Variants in MAST4 observed in about 807,000 individuals in gnomAD.
MAST4 encodes the protein microtubule-associated serine/threonine-protein kinase 4.
In MAST4, 89 loss-of-function variants were observed where a neutral mutation model predicts 162.7. That is an observed-to-expected ratio of 0.55 (90% CI 0.46 to 0.65). The LOEUF (loss-of-function observed/expected upper bound fraction) is 0.65, where lower values mean the gene tolerates loss of function less well. Ranked by LOEUF, MAST4 falls within the 30% of genes least tolerant of loss-of-function variation. The pLI is 0.00. For synonymous variants in MAST4, 1,479 were observed against 1,361.1 expected, an observed-to-expected ratio of 1.09 and a Z score of -1.91; for missense variants, 3,153 against 3,374.0, an observed-to-expected ratio of 0.93 and a Z score of 1.62.
Position 66,919,978 on chromosome 5 carries a change from TTCTC to T in MAST4, c.674+20014_674+20017del, listed in dbSNP as rs70987149. ...CTTCCTTCCTTCCTTCCTTCCTTCT[TTCTC>T]TCTCTCTCTCTCTCTCTTTCTAATG... is the stretch of plus-strand genomic sequence containing the variant. On this transcript the variant is annotated intron_variant, in intron 4 of 28. Coordinates refer to ENST00000403625, the MANE Select transcript of MAST4 (RefSeq NM_001164664.2). Among the ~76,000 whole-genome samples the T allele has an allele frequency of 4.5e-3, 576 of 126,856 alleles. 9 individuals carry two copies. Among genetic ancestry groups the T allele is most frequent in the African/African-American group, 0.018 (561 of 31,142 alleles). 83.2% of individuals were successfully genotyped at this position (126,856 alleles called of 152,430 possible).
At chr5:66,646,889 A>G (rs772593576) in intron 1 of MAST4, among the ~76,000 whole-genome samples, 2 of 152,206 alleles carry the variant, frequency 1.3e-5, no homozygotes, top group Non-Finnish European at 2.9e-5. Flanking sequence ...ATAACTTTAA[A>G]AGCTTATTGT....
chr5:67,071,017 G>A (rs191995319), intron 5 of MAST4, among the ~76,000 whole-genome samples: 1 of 152,318 alleles, frequency 6.6e-6, no homozygotes, highest in Admixed American at 6.5e-5. Context: ...CATCAGATAA[G>A]TTGGGGATTC....
At chr5:66,953,132 A>G (rs189684581) in intron 4 of MAST4, among the ~76,000 whole-genome samples, 109 of 152,322 alleles carry the variant, frequency 7.2e-4, no homozygotes, top group Admixed American at 2.5e-3. Context: ...GCACATACAC[A>G]TTCACCTTCT....
chr5:66,780,353 C>G (rs1033511309), intron 2 of MAST4, among the ~76,000 whole-genome samples: 7 of 152,128 alleles, frequency 4.6e-5, no homozygotes, highest in Non-Finnish European at 7.3e-5. Context: ...GGTTCTTGGT[C>G]TCACTGACTT....
intron 4 of MAST4, among the ~76,000 whole-genome samples, chr5:67,024,962 T>G (rs1307037906): frequency 6.6e-6 from 1 of 152,148 alleles, no homozygotes; most frequent in African/African-American, 2.4e-5. Context: ...TTATTATTTG[T>G]CCATTAAAAA....
In MAST4 at chr5:67,163,603, T is replaced by G; in HGVS notation, c.4424T>G (p.Val1475Gly). Residue 1475 changes from valine to glycine, a missense_variant, in exon 29 of 29, where the codon GTG becomes GGG. Coordinates refer to ENST00000403625, the MANE Select transcript of MAST4 (RefSeq NM_001164664.2). The surrounding 1 kb of genome is among the most constrained non-coding windows in gnomAD (Gnocchi z 7.0). ...AGCCTGGAGGTGACCCAAGAGGAGGTGCAGCGGGAGCAGTCCCAGCGGGAG... is the reference window on the plus strand; with the variant it reads ...AGCCTGGAGGTGACCCAAGAGGAGGGGCAGCGGGAGCAGTCCCAGCGGGAG... ...KHSLEVTQEEVQREQSQREAP... is the reference protein window; with the variant it reads ...KHSLEVTQEEGQREQSQREAP... 6.3e-7 allele frequency: 1 copy of G among 1,599,828 alleles called. No homozygotes were observed. Among genetic ancestry groups the G allele is most frequent in the Non-Finnish European group, 8.5e-7 (1 of 1,173,884 alleles).
intron 4 of MAST4, among the ~76,000 whole-genome samples, chr5:67,026,348 A>C (rs1754645774): frequency 6.6e-6 from 1 of 152,174 alleles, no homozygotes; most frequent in Non-Finnish European, 1.5e-5. Context: ...ATCTCACAAC[A>C]GTTTCTAATG....
chr5:66,739,606 T>C (rs57539139), intron 1 of MAST4, among the ~76,000 whole-genome samples: 2,814 of 152,292 alleles, frequency 0.018, 103 homozygotes, highest in African/African-American at 0.064. Context: ...CATCTAATAA[T>C]GTCAAGTATA....
At chr5:67,113,942 C>T (rs1381733604) in intron 11 of MAST4, 145 bp from the exon 12 acceptor site, 5 of 789,016 alleles carry the variant, frequency 6.3e-6, no homozygotes, top group Non-Finnish European at 1.0e-5. Context: ...GAATTACATA[C>T]TTTTTAAAGC....
chr5:66,627,545 G>A (rs1744516517), intron 1 of MAST4, among the ~76,000 whole-genome samples: 1 of 152,160 alleles, frequency 6.6e-6, no homozygotes, highest in African/African-American at 2.4e-5. Flanking sequence ...TTAGAACATT[G>A]TGTTCGTGTG....
chr5:66,685,695 T>C (rs559458109), intron 1 of MAST4, among the ~76,000 whole-genome samples: 30 of 152,300 alleles, frequency 2.0e-4, no homozygotes, highest in African/African-American at 6.5e-4. Flanking sequence ...AGAGAGCTTA[T>C]TAGCACATCC....
intron 4 of MAST4, among the ~76,000 whole-genome samples, chr5:67,014,712 C>T (rs1753075254): frequency 6.6e-6 from 1 of 152,302 alleles, no homozygotes; most frequent in Admixed American, 6.5e-5. Context: ...GAGACCTGCT[C>T]TCTTCAGTCC....
intron 3 of MAST4, among the ~76,000 whole-genome samples, chr5:66,863,022 G>A (rs1760230577): frequency 6.6e-6 from 1 of 152,210 alleles, no homozygotes; most frequent in Non-Finnish European, 1.5e-5. Flanking sequence ...GTAAATTGAA[G>A]TATAACAGGG....
rs1385613303 is a variant in MAST4, at chr5:66,765,457, C to T, written c.517+5595C>T. The stretch of plus-strand genomic sequence containing the variant: ...TAATATTCTATAAATAATTGCTGTA[C>T]TGTATTTTAACATTTGTATCACTTT... On this transcript the variant is annotated intron_variant, in intron 2 of 28. Coordinates refer to ENST00000403625, the MANE Select transcript of MAST4 (RefSeq NM_001164664.2). 2.0e-5 allele frequency among the ~76,000 whole-genome samples: 3 copies of T among 151,994 alleles called. No individual in the cohort carries two copies. In the East Asian group the frequency reaches 5.8e-4, roughly 29 times the overall value.
chr5:66,854,423 A>T (rs569539544), intron 3 of MAST4, among the ~76,000 whole-genome samples: 23 of 152,298 alleles, frequency 1.5e-4, no homozygotes, highest in African/African-American at 5.5e-4. Flanking sequence ...GATGCAGCTT[A>T]GCTGGGTGAT....
rs539528110 is a variant in MAST4 at position 67,044,207 on chromosome 5, A to G, written c.675-10197A>G. Among the ~76,000 whole-genome samples, 26 of 152,002 alleles carry G rather than the reference A, an allele frequency of 1.7e-4. 2 individuals carry two copies. In the South Asian group the frequency reaches 5.4e-3, roughly 32 times the overall value. ...TCCCATCTTCATCTCAAATGGTAAC[A>G]CTCTTTAATGTGTGTCTTTGATCTT... is the stretch of plus-strand genomic sequence containing the variant. On this transcript the variant is annotated intron_variant, in intron 4 of 28. Transcript: ENST00000403625.
Position 67,134,509 on chromosome 5 carries a change from C to A in MAST4, c.2227-14C>A. 6.2e-7 allele frequency: 1 copy of A among 1,601,946 alleles called. No homozygotes were observed. The highest frequency in any genetic ancestry group is 2.2e-5 in the East Asian group (1 of 44,634). On this transcript the variant is annotated splice_polypyrimidine_tract_variant and intron_variant, in intron 17 of 28. Transcript: ENST00000403625. ...TAATATTCCAATTATTCTAATATTG[C>A]AATTATCTTTTAGGTCTGTGGCACA...
Position 66,596,584 on chromosome 5 carries a change from G to T in MAST4, c.-72G>T. 7.4e-7 allele frequency: 1 copy of T among 1,351,460 alleles called. No homozygotes were observed. Among genetic ancestry groups the T allele is most frequent in the Non-Finnish European group, 9.5e-7 (1 of 1,055,346 alleles). The allele number at this position is 1,351,460 out of a possible 1,614,324, so 83.7% of individuals were successfully genotyped here. On this transcript the variant is annotated 5_prime_UTR_variant, in exon 1 of 29. Transcript: ENST00000403625. ...AGTGAGCCTGAGCCCAGGAGCCCGCGTCTTCCCCGGGAGGCGCTGAGTGCG... is the reference window on the plus strand; with the variant it reads ...AGTGAGCCTGAGCCCAGGAGCCCGCTTCTTCCCCGGGAGGCGCTGAGTGCG...
chr5:66,818,316 G>C (rs1273270575), intron 3 of MAST4, among the ~76,000 whole-genome samples: 1 of 152,054 alleles, frequency 6.6e-6, no homozygotes, highest in Non-Finnish European at 1.5e-5. Context: ...CAGAGTCTTA[G>C]GGAAGAGCCA....
Sources: allele counts gnomAD v4.1 joint callset (sites outside exome capture counted in the v4.1 genomes callset), GRCh38; gene constraint gnomAD v4.1.1; non-coding constraint Gnocchi (gnomAD v3.1); transcripts MANE v1.5; gene names NCBI Gene and HGNC (gene_info 2026-07-23, HGNC 2026-07-21).